The following ADGRD1 variants were observed in gnomAD, a reference collection of about 807,000 sequenced individuals.
The protein encoded by ADGRD1 is adhesion G protein-coupled receptor D1.
Under a neutral mutation model 113.4 loss-of-function variants are expected in ADGRD1, and 77 were observed. The ratio of observed to expected loss-of-function variants is 0.68; its 90% CI spans 0.57 to 0.82. The LOEUF (loss-of-function observed/expected upper bound fraction) is 0.82, where lower values mean the gene tolerates loss of function less well. Ranked by LOEUF, ADGRD1 falls within the 40% of genes least tolerant of loss-of-function variation. The probability of loss-of-function intolerance (pLI) is 0.00; values close to 1 mark genes in which losing one functional copy is unlikely to be tolerated. For missense variants in ADGRD1, 1,036 were observed against 1,139.1 expected, an observed-to-expected ratio of 0.91 and a Z score of 1.30; for synonymous variants, 474 against 475.0, an observed-to-expected ratio of 1.00 and a Z score of 0.03.
chr12:131,076,925 G>C (rs762887044), intron 14 of ADGRD1, 51 bp downstream of exon 14: 1 of 1,450,424 alleles, frequency 6.9e-7, no homozygotes, highest in Non-Finnish European at 9.7e-7. Flanking sequence ...CCAAGCCCAG[G>C]CCCGCCCCAT....
At chr12:131,011,544 G>C (rs1877897491) in intron 12 of ADGRD1, among the ~76,000 whole-genome samples, 1 of 152,140 alleles carries the variant, frequency 6.6e-6, no homozygotes, top group Admixed American at 6.5e-5. Context: ...GGGGAGAGCA[G>C]TGAACCAAAC....
rs558633216 is a variant in ADGRD1 at position 131,070,671 on chromosome 12, A to G, written c.1474-6130A>G. On this transcript the variant is annotated intron_variant, in intron 13 of 24. Transcript: ENST00000261654. Reference sequence around the variant, plus strand: ...CAGGTGCGCAGTGAGCAGAGGTGGGAGGAAAGCTGGTTGCCACGGAGATGA... The same window carrying G: ...CAGGTGCGCAGTGAGCAGAGGTGGGGGGAAAGCTGGTTGCCACGGAGATGA... The G allele has an allele frequency of 4.0e-3, 1,495 of 375,384 alleles. 16 individuals carry two copies. The highest frequency in any genetic ancestry group is 0.01 in the Middle Eastern group (11 of 1,062). The allele number at this position is 375,384 out of a possible 1,614,324, so 23.3% of individuals were successfully genotyped here.
At position 131,139,212 on chromosome 12, in the gene ADGRD1, T is replaced by C. The variant is rs769076782; in HGVS notation, c.2574T>C (p.Pro858=). The C allele has an allele frequency of 7.4e-6, 12 of 1,612,922 alleles. 1 individual carries two copies. In the East Asian group the frequency reaches 2.2e-4, roughly 30 times the overall value. ...RPGMASTKLS[P]WDKSSHSAHR... is the part of the protein sequence containing the mutation. Reference sequence around the variant, plus strand: ...GCATGGCCTCCACCAAGCTCAGCCCTTGGGACAAGAGCAGCCACTCTGCCC... The same window carrying C: ...GCATGGCCTCCACCAAGCTCAGCCCCTGGGACAAGAGCAGCCACTCTGCCC... The change falls in exon 25 of 25, where the codon CCT becomes CCC. Residue 858 remains proline, a synonymous_variant. Coordinates refer to ENST00000261654, the MANE Select transcript of ADGRD1 (RefSeq NM_198827.5).
chr12:130,973,266 T>C (rs1465269975), intron 4 of ADGRD1: 2 of 152,266 alleles, frequency 1.3e-5, no homozygotes, highest in East Asian at 3.9e-4. Context: ...GGGTTCCACT[T>C]CCGGTTCCGA....
rs996315892 is a variant in ADGRD1 at position 131,096,357 on chromosome 12, C to G, written c.1672-8474C>G. On this transcript the variant is annotated intron_variant, in intron 15 of 24. Coordinates refer to ENST00000261654, the MANE Select transcript of ADGRD1 (RefSeq NM_198827.5). The surrounding 1 kb of genome is among the most constrained non-coding windows in gnomAD (Gnocchi z 5.2). ...GACCTCCTGGGCTCCAGAGATCCTCCTACCTCAGCCTCCCAAGCAGCTGAG... is the reference window on the plus strand; with the variant it reads ...GACCTCCTGGGCTCCAGAGATCCTCGTACCTCAGCCTCCCAAGCAGCTGAG... Among the ~76,000 whole-genome samples, 3 of 152,206 alleles carry G rather than the reference C, an allele frequency of 2.0e-5. No individual in the cohort carries two copies. The highest frequency in any genetic ancestry group is 4.4e-5 in the Non-Finnish European group (3 of 68,034).
rs1191396821 is a variant in ADGRD1 at position 130,984,795 on chromosome 12, C to T, written c.491-2300C>T. On this transcript the variant is annotated intron_variant, in intron 5 of 24. Transcript: ENST00000261654. This position sits in a 1 kb window ranked among gnomAD's most constrained non-coding sequence, Gnocchi z 4.1. Reference sequence around the variant, plus strand: ...TCTTCCCCTCCTCTCTCTTTTCCTTCTTTCCCTCCCTCCCTTCCTCCCTCC... The same window carrying T: ...TCTTCCCCTCCTCTCTCTTTTCCTTTTTTCCCTCCCTCCCTTCCTCCCTCC... Among the ~76,000 whole-genome samples, 2 of 150,888 alleles carry T rather than the reference C, an allele frequency of 1.3e-5. No homozygotes were observed. The highest frequency in any genetic ancestry group is 4.9e-5 in the African/African-American group (2 of 40,980).
chr12:131,121,738 TG>T (rs1402110337), intron 20 of ADGRD1, among the ~76,000 whole-genome samples: 1 of 152,178 alleles, frequency 6.6e-6, no homozygotes, highest in South Asian at 2.1e-4. Context: ...GGACCATCTG[TG>T]GGGAGGCTGG....
Position 131,060,053 on chromosome 12 carries a change from G to T in ADGRD1, c.1474-16748G>T, listed in dbSNP as rs933477506. 6.6e-6 allele frequency among the ~76,000 whole-genome samples: 1 copy of T among 152,244 alleles called. No individual in the cohort carries two copies. The highest frequency in any genetic ancestry group is 2.1e-4 in the South Asian group (1 of 4,828). Reference sequence around the variant, plus strand: ...CCACCACTGGGAAGGGCCATGTGCCGCAGTACTGCGGCGTGGGGGTGAAAG... The same window carrying T: ...CCACCACTGGGAAGGGCCATGTGCCTCAGTACTGCGGCGTGGGGGTGAAAG... On this transcript the variant is annotated intron_variant, in intron 13 of 24. Coordinates refer to ENST00000261654, the MANE Select transcript of ADGRD1 (RefSeq NM_198827.5). This position sits in a 1 kb window ranked among gnomAD's most constrained non-coding sequence, Gnocchi z 4.4.
intron 13 of ADGRD1, among the ~76,000 whole-genome samples, chr12:131,039,155 G>A (rs769292918): frequency 4.0e-5 from 6 of 151,810 alleles, no homozygotes; most frequent in African/African-American, 7.2e-5. Flanking sequence ...CCGCTGAGCC[G>A]GGACGGTGCG....
intron 15 of ADGRD1, among the ~76,000 whole-genome samples, chr12:131,097,607 C>T (rs537375913): frequency 4.1e-4 from 63 of 152,322 alleles, no homozygotes; most frequent in African/African-American, 1.4e-3. Context: ...GTCACAGATC[C>T]GCCAGGGCCT....
At chr12:131,052,058 GCT>G (rs771367739) in intron 13 of ADGRD1, among the ~76,000 whole-genome samples, 18 of 152,166 alleles carry the variant, frequency 1.2e-4, no homozygotes, top group Non-Finnish European at 2.1e-4. Context: ...TGCATGGTGA[GCT>G]CTGATCTGAA....
chr12:131,061,321 C>T (rs1884306848), intron 13 of ADGRD1, among the ~76,000 whole-genome samples: 1 of 152,154 alleles, frequency 6.6e-6, no homozygotes, highest in African/African-American at 2.4e-5. Context: ...GATCAGTAGC[C>T]AGCTGTCACC....
chr12:131,131,246 G>A (rs1239645488), intron 20 of ADGRD1, among the ~76,000 whole-genome samples: 3 of 152,178 alleles, frequency 2.0e-5, no homozygotes, highest in Non-Finnish European at 2.9e-5. Flanking sequence ...CCCCTCTGCC[G>A]CAGCTTCTGT....
intron 15 of ADGRD1, among the ~76,000 whole-genome samples, chr12:131,090,128 A>G (rs1886811745): frequency 6.6e-6 from 1 of 152,140 alleles, no homozygotes; most frequent in Admixed American, 6.5e-5. Flanking sequence ...GTGACACTGG[A>G]TTTTGACAGT....
Position 130,955,876 on chromosome 12 carries a change from C to G in ADGRD1, c.103+1216C>G, listed in dbSNP as rs192388030. 6.5e-3 allele frequency among the ~76,000 whole-genome samples: 992 copies of G among 152,322 alleles called. 10 individuals carry two copies. The highest frequency in any genetic ancestry group is 0.023 in the African/African-American group (938 of 41,574). ...CAGTCTCGGCTCTCTGCTACCTCTG[C>G]CTCCCGGGTTCAAGCGATTCTTGTG... is the stretch of plus-strand genomic sequence containing the variant. On this transcript the variant is annotated intron_variant, in intron 2 of 24. Transcript: ENST00000261654.
intron 15 of ADGRD1, among the ~76,000 whole-genome samples, chr12:131,101,373 CTTTCTTTTTTTT>C (rs1950075042): frequency 1.3e-5 from 1 of 79,354 alleles, no homozygotes; most frequent in African/African-American, 5.4e-5. Flanking sequence ...CTTTTTCTTT[CTTTCTTTTTTTT>C]TTTTTTTTTT....
chr12:130,999,370 G>A (rs1369752081), intron 8 of ADGRD1, among the ~76,000 whole-genome samples: 2 of 152,200 alleles, frequency 1.3e-5, no homozygotes, highest in Admixed American at 1.3e-4. Flanking sequence ...CCCTGCTCCG[G>A]CTCAGTGAAG....
Position 130,966,714 on chromosome 12 carries a change from G to A in ADGRD1, c.187+168G>A, listed in dbSNP as rs1041551490. ...CCCAGGGCCATCGGGGAGCAGATGT[G>A]GACACAATCTGCTTTGAAGCCACGG... is the stretch of plus-strand genomic sequence containing the variant. On this transcript the variant is annotated intron_variant, in intron 3 of 24. Transcript: ENST00000261654. This position sits in a 1 kb window ranked among gnomAD's most constrained non-coding sequence, Gnocchi z 4.6. 1.1e-5 allele frequency: 7 copies of A among 610,564 alleles called. No individual in the cohort carries two copies. Among genetic ancestry groups the A allele is most frequent in the Admixed American group, 1.1e-4 (4 of 35,496 alleles). The allele number at this position is 610,564 out of a possible 1,614,324, so 37.8% of individuals were successfully genotyped here.
At chr12:131,038,917 G>T (rs1881825181) in intron 13 of ADGRD1, among the ~76,000 whole-genome samples, 1 of 152,358 alleles carries the variant, frequency 6.6e-6, no homozygotes, top group East Asian at 1.9e-4. Flanking sequence ...CCGACACCTG[G>T]GGCAGATGGA....
Sources: allele counts gnomAD v4.1 joint callset (sites outside exome capture counted in the v4.1 genomes callset), GRCh38; gene constraint gnomAD v4.1.1; non-coding constraint Gnocchi (gnomAD v3.1); transcripts MANE v1.5; gene names NCBI Gene and HGNC (gene_info 2026-07-23, HGNC 2026-07-21).